PPFIBP1: variants seen among roughly 807,000 people sequenced by gnomAD.
The protein encoded by PPFIBP1 is liprin-beta-1.
A neutral mutation model predicts 137.8 loss-of-function variants in PPFIBP1; 112 were observed. The observed-to-expected ratio is 0.81, with a 90% confidence interval of 0.70 to 0.95. The LOEUF is 0.95. Ranked by LOEUF, PPFIBP1 falls within the 40% of genes least tolerant of loss-of-function variation. PPFIBP1 has a pLI of 0.00. For synonymous variants in PPFIBP1, 378 were observed against 417.3 expected, an observed-to-expected ratio of 0.91 and a Z score of 1.15; for missense variants, 1,083 against 1,196.6, an observed-to-expected ratio of 0.91 and a Z score of 1.40.
At chr12:27,672,214 A>T (rs1019889830) in intron 14 of PPFIBP1, among the ~76,000 whole-genome samples, 5 of 152,108 alleles carry the variant, frequency 3.3e-5, no homozygotes, top group Admixed American at 6.6e-5. Flanking sequence ...CAGGAAAAGG[A>T]TACAGTAGTT....
At chr12:27,678,856 C>CAAAAAAAAAAAAAAAAAAAAAAAA (rs60834907) in intron 19 of PPFIBP1, among the ~76,000 whole-genome samples, 9 of 98,960 alleles carry the variant, frequency 9.1e-5, no homozygotes, top group Non-Finnish European at 1.3e-4. Flanking sequence ...GACTCTGTCT[C>CAAAAAAAAAAAAAAAAAAAAAAAA]AAAAAAAAAA....
chr12:27,613,375 T>C (rs533063226), intron 2 of PPFIBP1, among the ~76,000 whole-genome samples: 1 of 152,318 alleles, frequency 6.6e-6, no homozygotes, highest in South Asian at 2.1e-4. Flanking sequence ...AGGGTAGATA[T>C]GCTATCAGAG....
At chr12:27,571,537 T>C (rs2050148455) in intron 1 of PPFIBP1, among the ~76,000 whole-genome samples, 1 of 152,194 alleles carries the variant, frequency 6.6e-6, no homozygotes, top group Admixed American at 6.5e-5. Flanking sequence ...AATGAAAATG[T>C]GCCTATTCCA....
chr12:27,620,787 G>T (rs1290172530), intron 2 of PPFIBP1, among the ~76,000 whole-genome samples: 4 of 152,036 alleles, frequency 2.6e-5, no homozygotes, highest in Admixed American at 2.0e-4. Flanking sequence ...TAAAAACAGT[G>T]CCCGGTACAG....
At chr12:27,673,598 A>G (rs2060331768) in intron 15 of PPFIBP1, among the ~76,000 whole-genome samples, 169 bp from the exon 16 acceptor site, 1 of 152,212 alleles carries the variant, frequency 6.6e-6, no homozygotes, top group African/African-American at 2.4e-5. Context: ...TTTTAAAAGA[A>G]CTAAATGTTG....
chr12:27,591,668 T>G (rs1193504200), intron 2 of PPFIBP1, among the ~76,000 whole-genome samples: 1 of 152,184 alleles, frequency 6.6e-6, no homozygotes, highest in Non-Finnish European at 1.5e-5. Context: ...CCTCATAAAC[T>G]CTCACACTAA....
intron 4 of PPFIBP1, among the ~76,000 whole-genome samples, chr12:27,639,940 T>C (rs1414664044): frequency 6.6e-6 from 1 of 152,212 alleles, no homozygotes; most frequent in African/African-American, 2.4e-5. Flanking sequence ...TGCTGCTTTC[T>C]GACCAGCTTT....
At chr12:27,615,386 C>T (rs1592870666) in intron 2 of PPFIBP1, among the ~76,000 whole-genome samples, 2 of 152,174 alleles carry the variant, frequency 1.3e-5, no homozygotes, top group South Asian at 4.1e-4. Context: ...ATGTCCACAC[C>T]CAACAGAGGG....
chr12:27,660,702 T>C (rs983315993), intron 10 of PPFIBP1, among the ~76,000 whole-genome samples, 182 bp from the exon 11 acceptor site: 1 of 152,240 alleles, frequency 6.6e-6, no homozygotes, highest in Non-Finnish European at 1.5e-5. Flanking sequence ...AGGTAGAAGA[T>C]GTCCATCTTT....
At chr12:27,609,425 C>G (rs2054856365) in intron 2 of PPFIBP1, among the ~76,000 whole-genome samples, 1 of 152,186 alleles carries the variant, frequency 6.6e-6, no homozygotes, top group Non-Finnish European at 1.5e-5. Flanking sequence ...TACAGTCACT[C>G]AGAAAGTCCC....
intron 1 of PPFIBP1, among the ~76,000 whole-genome samples, chr12:27,565,371 A>C (rs1383750959): frequency 6.6e-6 from 1 of 152,178 alleles, no homozygotes; most frequent in Non-Finnish European, 1.5e-5. Context: ...TTTCTAGTGA[A>C]ATCTCTACCT....
chr12:27,627,338 T>C (rs940588651), intron 2 of PPFIBP1, among the ~76,000 whole-genome samples: 1 of 152,192 alleles, frequency 6.6e-6, no homozygotes, highest in Non-Finnish European at 1.5e-5. Flanking sequence ...GTATGAGTAA[T>C]TTGTGTGAAA....
chr12:27,651,114 C>T (rs1229250496), intron 7 of PPFIBP1, among the ~76,000 whole-genome samples: 1 of 152,118 alleles, frequency 6.6e-6, no homozygotes, highest in Admixed American at 6.5e-5. Flanking sequence ...CATTATCCAC[C>T]ATAGGAAAGT....
intron 16 of PPFIBP1, 123 bp from the exon 17 acceptor site, chr12:27,674,069 T>C: frequency 1.1e-6 from 1 of 907,782 alleles, no homozygotes; most frequent in Non-Finnish European, 1.7e-6. Context: ...TAAACAATAC[T>C]AAGATTTTGT....
chr12:27,621,736 A>G (rs2138578540), intron 2 of PPFIBP1, among the ~76,000 whole-genome samples: 1 of 152,318 alleles, frequency 6.6e-6, no homozygotes, highest in South Asian at 2.1e-4. Context: ...TTATAAGATT[A>G]TTTATAAAAA....
intron 2 of PPFIBP1, among the ~76,000 whole-genome samples, chr12:27,579,018 A>C (rs183108693): frequency 1.2e-3 from 179 of 152,340 alleles, no homozygotes; most frequent in African/African-American, 4.0e-3. Context: ...CATGGATGTC[A>C]ATAAGAGATT....
intron 2 of PPFIBP1, among the ~76,000 whole-genome samples, chr12:27,590,259 T>C (rs1375658405): frequency 6.6e-6 from 1 of 152,142 alleles, no homozygotes; most frequent in South Asian, 2.1e-4. Flanking sequence ...CACTGCACCC[T>C]CTGCCTCCTG....
chr12:27,607,579 G>A (rs2054650122), intron 2 of PPFIBP1, among the ~76,000 whole-genome samples: 1 of 152,196 alleles, frequency 6.6e-6, no homozygotes, highest in African/African-American at 2.4e-5. Context: ...TTCAGTAGGT[G>A]TGGGGTGGAG....
Position 27,646,070 on chromosome 12 carries a change from A to T in PPFIBP1, c.279A>T (p.Gly93=), listed in dbSNP as rs373440206. ...ATTACTTCCTTTTTCAGACAAATGG[A>T]CACCTACCAGGGAACGGAGATGTGT... is the stretch of plus-strand genomic sequence containing the variant. The part of the protein sequence containing the change: ...VEWLQSQMTN[G]HLPGNGDVYQ... The change falls in exon 5 of 30, where the codon GGA becomes GGT. Residue 93 remains glycine (G), a synonymous_variant. Transcript: ENST00000228425. The T allele has an allele frequency of 1.9e-4, 307 of 1,605,032 alleles. No homozygotes were observed. The highest frequency in any genetic ancestry group is 1.7e-5 in the Non-Finnish European group (20 of 1,173,044).
Sources: gnomAD v4.1 joint callset for allele counts (sites outside exome capture counted in the v4.1 genomes callset) on GRCh38, gnomAD v4.1.1 for gene constraint, MANE v1.5 for transcripts, NCBI Gene and HGNC (gene_info 2026-07-23, HGNC 2026-07-21) for gene names.